The following ZNF469 variants were observed in gnomAD, a reference collection of about 807,000 sequenced individuals.
The protein encoded by ZNF469 is zinc finger protein 469.
Under a neutral mutation model 1.0 loss-of-function variants are expected in ZNF469, and 1 was observed. The observed-to-expected ratio is 1.00, with a 90% CI of 0.35 to 4.73. The LOEUF (loss-of-function observed/expected upper bound fraction) is 4.73, where lower values mean the gene tolerates loss of function less well. ZNF469 is among the 30% of genes most tolerant of loss of function. The pLI is 0.16. For synonymous variants in ZNF469, 2,703 were observed against 2,363.4 expected (o/e 1.14, Z -4.17); for missense variants, 6,100 against 5,356.3 (o/e 1.14, Z -4.33).
At chr16:88,116,932 G>A in the ZNF469 span, among the ~76,000 whole-genome samples, 1 of 149,814 alleles carries the variant, frequency 6.7e-6, no homozygotes, top group Non-Finnish European at 1.5e-5. Context: ...GTGATAAAAT[G>A]TCCTTGCCTG....
the ZNF469 span, among the ~76,000 whole-genome samples, chr16:88,301,983 A>G: frequency 6.6e-6 from 1 of 152,148 alleles, no homozygotes; most frequent in Non-Finnish European, 1.5e-5. Context: ...TGTGCTCACT[A>G]TAAAGACAGG....
the ZNF469 span, among the ~76,000 whole-genome samples, chr16:88,149,913 T>C: frequency 6.6e-6 from 1 of 152,228 alleles, no homozygotes; most frequent in African/African-American, 2.4e-5. Context: ...TGGACAGGCA[T>C]TGCCATCCTC....
the ZNF469 span, among the ~76,000 whole-genome samples, chr16:88,154,431 GC>G: frequency 6.6e-6 from 1 of 152,346 alleles, no homozygotes; most frequent in East Asian, 1.9e-4. Flanking sequence ...CTCCCAAAGT[GC>G]TGGGATTACA....
At chr16:88,261,740 G>T in the ZNF469 span, among the ~76,000 whole-genome samples, 7 of 152,202 alleles carry the variant, frequency 4.6e-5, no homozygotes, top group Non-Finnish European at 7.4e-5. This position sits in a 1 kb window ranked among gnomAD's most constrained non-coding sequence, Gnocchi z 6.0. Context: ...TGTCTCGGGT[G>T]GGGGCTGCCT....
chr16:88,404,969 T>A (rs1353463976), intron 1 of ZNF469, among the ~76,000 whole-genome samples: 1 of 152,174 alleles, frequency 6.6e-6, no homozygotes, highest in Non-Finnish European at 1.5e-5. Context: ...GCAGGGGGAC[T>A]TCAGGCATAG....
At chr16:88,327,508 G>T in the ZNF469 span, among the ~76,000 whole-genome samples, 1 of 152,174 alleles carries the variant, frequency 6.6e-6, no homozygotes, top group African/African-American at 2.4e-5. Context: ...CCCAGGGCCA[G>T]CTAGGGGCCA....
chr16:88,107,158 T>TC, the ZNF469 span, among the ~76,000 whole-genome samples: 146,663 of 152,126 alleles, frequency 0.96, 70,900 homozygotes, highest in Middle Eastern at 1. Context: ...TGGAAAAGGC[T>TC]CCCCAAATGC....
chr16:88,142,757 G>T, the ZNF469 span, among the ~76,000 whole-genome samples: 1 of 152,364 alleles, frequency 6.6e-6, no homozygotes, highest in South Asian at 2.1e-4. Context: ...GCCGGCAGCA[G>T]CTGCGTCGCT....
chr16:88,157,770 C>G, the ZNF469 span, among the ~76,000 whole-genome samples: 2 of 152,130 alleles, frequency 1.3e-5, no homozygotes, highest in Admixed American at 6.5e-5. Flanking sequence ...GGGTCCAGGG[C>G]TCCAGGTGGG....
the ZNF469 span, among the ~76,000 whole-genome samples, chr16:88,164,202 ATGGATGGGTGGGTGAG>A: frequency 6.8e-6 from 1 of 147,162 alleles, no homozygotes; most frequent in Admixed American, 6.8e-5. Flanking sequence ...GGATGGATGA[ATGGATGGGTGGGTGAG>A]TGGATGGGTG....
the ZNF469 span, among the ~76,000 whole-genome samples, chr16:88,127,698 G>A: frequency 6.6e-6 from 1 of 152,188 alleles, no homozygotes. Flanking sequence ...CGCTGTGTGA[G>A]TTGAGCACTG....
At chr16:88,283,581 A>C in the ZNF469 span, among the ~76,000 whole-genome samples, 3 of 152,208 alleles carry the variant, frequency 2.0e-5, no homozygotes, top group East Asian at 5.8e-4. Context: ...AATGCTGGGA[A>C]AAAATTCTAG....
At chr16:88,226,604 G>A in the ZNF469 span, among the ~76,000 whole-genome samples, 10 of 152,132 alleles carry the variant, frequency 6.6e-5, no homozygotes, top group African/African-American at 2.2e-4. Flanking sequence ...CAAGAGACCA[G>A]TGCGGCCCTC....
chr16:88,411,665 G>C (rs2142283733), intron 1 of ZNF469, among the ~76,000 whole-genome samples: 1 of 152,292 alleles, frequency 6.6e-6, no homozygotes, highest in East Asian at 1.9e-4. Flanking sequence ...AATCTTCTGG[G>C]CAGGAGACGG....
the ZNF469 span, among the ~76,000 whole-genome samples, chr16:88,229,606 T>TGTGGATATCACGC: frequency 3.0e-5 from 2 of 65,860 alleles, no homozygotes; most frequent in Non-Finnish European, 1.1e-4. Context: ...ATGTCACGCG[T>TGTGGATATCACGC]GTGTGCTGAT....
the ZNF469 span, among the ~76,000 whole-genome samples, chr16:88,108,130 CG>C: frequency 1.8e-5 from 2 of 108,530 alleles, no homozygotes; most frequent in South Asian, 2.8e-4. Flanking sequence ...TGGAGGTGCA[CG>C]TCTGTGGGGA....
At chr16:88,347,653 A>T in the ZNF469 span, among the ~76,000 whole-genome samples, 1 of 152,194 alleles carries the variant, frequency 6.6e-6, no homozygotes, top group African/African-American at 2.4e-5. Context: ...CCCGATGTGA[A>T]GAACTGTGGG....
At position 88,431,955 on chromosome 16, in the gene ZNF469, T is replaced by C. The variant is rs2142306171; in HGVS notation, c.4485T>C (p.Asp1495=). The C allele has an allele frequency of 6.5e-7, 1 of 1,549,304 alleles. No homozygotes were observed. The highest frequency in any genetic ancestry group is 2.4e-5 in the East Asian group (1 of 40,878). Residue 1495 remains aspartate (D), a synonymous_variant, in exon 3 of 3, where the codon GAT becomes GAC. Transcript: ENST00000565624. ...ADPPQKTVPS[D]PPYPSFLLLE... ...CTCCCCAGAAGACGGTGCCGTCAGA[T>C]CCACCGTACCCCTCTTTTTTGCTGC...
At chr16:88,192,863 CGGT>C in the ZNF469 span, among the ~76,000 whole-genome samples, 15 of 14,948 alleles carry the variant, frequency 1.0e-3, no homozygotes, top group Non-Finnish European at 1.4e-3. Context: ...ATGGTGATGA[CGGT>C]GGTGGTGATG....
Sources: gnomAD v4.1 joint callset for allele counts (sites outside exome capture counted in the v4.1 genomes callset) on GRCh38, gnomAD v4.1.1 for gene constraint, Gnocchi (gnomAD v3.1) non-coding constraint, MANE v1.5 for transcripts, NCBI Gene and HGNC (gene_info 2026-07-23, HGNC 2026-07-21) for gene names.